The following COMMD1 variants were observed in gnomAD, a reference collection of about 807,000 sequenced individuals.
COMMD1 encodes the protein COMM domain-containing protein 1.
Under a neutral mutation model 17.2 loss-of-function variants are expected in COMMD1, and 10 were observed. The observed-to-expected ratio is 0.58, with a 90% CI of 0.36 to 0.99. The LOEUF is 0.99. Among genes scored for constraint, COMMD1 ranks in the 50% least tolerant of loss-of-function variants. The pLI, the probability that COMMD1 is intolerant of heterozygous loss-of-function variation, is 0.01. For synonymous variants in COMMD1, 97 were observed against 91.6 expected, an observed-to-expected ratio of 1.06 and a Z score of -0.34; for missense variants, 270 against 231.8, an observed-to-expected ratio of 1.17 and a Z score of -1.07.
chr2:61,984,781 G>A (rs1672058082), intron 1 of COMMD1, among the ~76,000 whole-genome samples: 2 of 152,244 alleles, frequency 1.3e-5, no homozygotes, highest in South Asian at 4.1e-4. Flanking sequence ...TTATTGTATT[G>A]GGGTCTGTCT....
intron 2 of COMMD1, among the ~76,000 whole-genome samples, chr2:62,080,865 C>T (rs895836742): frequency 1.3e-5 from 2 of 150,924 alleles, no homozygotes; most frequent in East Asian, 1.9e-4. Flanking sequence ...AGATCATGGC[C>T]AACTCTCTGG....
chr2:62,084,904 A>G (rs1671617616), intron 2 of COMMD1: 1 of 152,122 alleles, frequency 6.6e-6, no homozygotes, highest in South Asian at 2.1e-4. Context: ...GAATAATTCC[A>G]CTAGTCACCT....
Position 62,068,486 on chromosome 2 carries a change from A to G in COMMD1, c.463-67345A>G, listed in dbSNP as rs144066861. Among the ~76,000 whole-genome samples, 474 of 152,316 alleles carry G rather than the reference A, an allele frequency of 3.1e-3. 1 individual carries two copies. The highest frequency in any genetic ancestry group is 0.011 in the African/African-American group (452 of 41,570). On this transcript the variant is annotated intron_variant, in intron 2 of 2. Coordinates refer to ENST00000311832, the MANE Select transcript of COMMD1 (RefSeq NM_152516.4). ...AAGTAATAAATTAGACTTCATCAAA[A>G]TTAAAAACTTCTGCTGGAGTTCAAA...
intron 1 of COMMD1, among the ~76,000 whole-genome samples, chr2:61,917,647 C>T (rs1207075384): frequency 6.6e-6 from 1 of 152,032 alleles, no homozygotes; most frequent in Non-Finnish European, 1.5e-5. Context: ...TCCGCCTCAG[C>T]CTCCGGAGTA....
At chr2:61,889,519 C>T (rs1486589505) in intron 1 of COMMD1, among the ~76,000 whole-genome samples, 1 of 152,136 alleles carries the variant, frequency 6.6e-6, no homozygotes, top group Non-Finnish European at 1.5e-5. Context: ...CCGGAGGTGC[C>T]CTCCTTTAAC....
At chr2:62,117,219 G>T (rs557160645) in intron 2 of COMMD1, among the ~76,000 whole-genome samples, 5 of 151,978 alleles carry the variant, frequency 3.3e-5, no homozygotes, top group African/African-American at 1.2e-4. Context: ...TAACTCAGCC[G>T]GGCTGCTGCC....
intron 2 of COMMD1, among the ~76,000 whole-genome samples, chr2:62,052,888 A>T (rs936096398): frequency 2.6e-5 from 4 of 152,112 alleles, no homozygotes; most frequent in Admixed American, 2.0e-4. Context: ...GGGCAACATG[A>T]CAAAACTCCG....
chr2:61,891,932 C>T (rs376771589), intron 1 of COMMD1, among the ~76,000 whole-genome samples: 16 of 151,558 alleles, frequency 1.1e-4, no homozygotes, highest in African/African-American at 2.7e-4. Flanking sequence ...CCCGGGTTCA[C>T]GCCATTCTCC....
At chr2:61,990,023 C>G (rs1301575443) in intron 1 of COMMD1, among the ~76,000 whole-genome samples, 1 of 152,066 alleles carries the variant, frequency 6.6e-6, no homozygotes, top group Admixed American at 6.6e-5. Flanking sequence ...AGATCTACAT[C>G]GAAGCCTGAA....
At chr2:61,994,358 A>G (rs1668686020) in intron 1 of COMMD1, among the ~76,000 whole-genome samples, 1 of 152,184 alleles carries the variant, frequency 6.6e-6, no homozygotes, top group Admixed American at 6.5e-5. Flanking sequence ...TATTCAGTAA[A>G]TGTTTATTGA....
intron 1 of COMMD1, among the ~76,000 whole-genome samples, chr2:61,942,832 C>T (rs2103642065): frequency 6.6e-6 from 1 of 152,228 alleles, no homozygotes; most frequent in South Asian, 2.1e-4. Context: ...GCCACTGTGT[C>T]CGGCTGTTAA....
intron 1 of COMMD1, among the ~76,000 whole-genome samples, chr2:61,955,692 A>G (rs980726850): frequency 2.6e-5 from 4 of 151,844 alleles, no homozygotes; most frequent in Admixed American, 1.3e-4. Context: ...ACAAGAATTG[A>G]TATTTTTTTT....
chr2:62,116,676 C>CAAAA (rs70962759), intron 2 of COMMD1, among the ~76,000 whole-genome samples: 2 of 28,538 alleles, frequency 7.0e-5, no homozygotes, highest in African/African-American at 1.5e-4. Context: ...TGTCTCATTA[C>CAAAA]AAAAAAAAAA....
Position 61,889,202 on chromosome 2 carries a change from C to CTTTTTTTT in COMMD1, n.119+377_119+384dup, listed in dbSNP as rs34949326. On this transcript the variant is annotated intron_variant and non_coding_transcript_variant, in intron 1 of 2. Transcript: ENST00000472729. ...ACAGGCGTCAGCCACGAAGCCCGGC[C>CTTTTTTTT]TTTTTTTTTTTTTTTTTTTTTTTTG... 1.0e-3 allele frequency among the ~76,000 whole-genome samples: 55 copies of CTTTTTTTT among 54,786 alleles called. 8 individuals are homozygous for CTTTTTTTT. The highest frequency in any genetic ancestry group is 1.3e-3 in the Admixed American group (4 of 3,096). 35.9% of individuals were successfully genotyped at this position (54,786 alleles called of 152,430 possible).
chr2:62,064,717 C>T (rs1573137328), intron 2 of COMMD1, among the ~76,000 whole-genome samples: 2 of 152,150 alleles, frequency 1.3e-5, no homozygotes, highest in Admixed American at 1.3e-4. Flanking sequence ...TTGTTCTTGG[C>T]CCTCTTGCTT....
chr2:62,107,520 G>T (rs1330903128), intron 2 of COMMD1, among the ~76,000 whole-genome samples: 1 of 152,192 alleles, frequency 6.6e-6, no homozygotes, highest in Non-Finnish European at 1.5e-5. Context: ...CCAGCTTCTT[G>T]CCAGCTTTCA....
At chr2:62,032,958 T>C (rs1573094533) in intron 2 of COMMD1, among the ~76,000 whole-genome samples, 1 of 152,154 alleles carries the variant, frequency 6.6e-6, no homozygotes, top group East Asian at 1.9e-4. Context: ...TTTGTAGAGA[T>C]GAGGTTTCTC....
intron 2 of COMMD1, among the ~76,000 whole-genome samples, chr2:62,093,869 C>T (rs958883759): frequency 6.6e-6 from 1 of 152,190 alleles, no homozygotes; most frequent in East Asian, 1.9e-4. Flanking sequence ...TATTGGCTCT[C>T]AGTAAATATA....
chr2:62,084,575 T>A (rs973646048), intron 2 of COMMD1, among the ~76,000 whole-genome samples: 1 of 152,202 alleles, frequency 6.6e-6, no homozygotes, highest in African/African-American at 2.4e-5. Flanking sequence ...TTCACACTCA[T>A]ATTGTTCAAG....
Sources: allele counts gnomAD v4.1 joint callset (sites outside exome capture counted in the v4.1 genomes callset), GRCh38; gene constraint gnomAD v4.1.1; transcripts MANE v1.5; gene names NCBI Gene and HGNC (gene_info 2026-07-23, HGNC 2026-07-21).